CNTLN: variants seen among roughly 807,000 people sequenced by gnomAD.
CNTLN encodes centlein, centrosomal protein.
CNTLN carries 212 observed loss-of-function variants against 180.0 expected under a neutral mutation model. The observed-to-expected ratio is 1.18, with a 90% CI of 1.05 to 1.32. CNTLN has a LOEUF of 1.32. CNTLN is among the 40% of genes most tolerant of loss of function. The probability of loss-of-function intolerance (pLI) is 0.00; values close to 1 mark genes in which losing one functional copy is unlikely to be tolerated. For synonymous variants in CNTLN, 722 were observed against 563.1 expected, an observed-to-expected ratio of 1.28 and a Z score of -3.99; for missense variants, 2,095 against 1,610.9, an observed-to-expected ratio of 1.30 and a Z score of -5.14.
rs1308706751 is a variant in CNTLN, at chr9:17,340,912, AAG to A, written c.1733_1734del (p.Glu578AlafsTer13). ...TTACAGACCAACTACAGAGCAGTAA[AAG>A]AGCAATTAAAACAGTGGGAAGAAGG... On this transcript the variant is annotated frameshift_variant, in exon 11 of 26. Coordinates refer to ENST00000380647, the MANE Select transcript of CNTLN (RefSeq NM_017738.4). LOFTEE classifies it high-confidence loss of function. 1 of 1,611,878 alleles carries A rather than the reference AAG, an allele frequency of 6.2e-7. No individual in the cohort carries two copies. Among genetic ancestry groups the A allele is most frequent in the Non-Finnish European group, 8.5e-7 (1 of 1,178,902 alleles).
intron 20 of CNTLN, 142 bp downstream of exon 20, chr9:17,463,155 G>A: frequency 1.9e-6 from 1 of 527,636 alleles, no homozygotes. Flanking sequence ...GAAAGTTTAA[G>A]GAATACTATG....
At chr9:17,251,736 G>A (rs1318788220) in intron 5 of CNTLN, among the ~76,000 whole-genome samples, 3 of 151,774 alleles carry the variant, frequency 2.0e-5, no homozygotes, top group Admixed American at 6.6e-5. Context: ...AGTTGTATGT[G>A]TTGGTATCAT....
intron 8 of CNTLN, among the ~76,000 whole-genome samples, chr9:17,322,940 G>A (rs759853198): frequency 3.3e-5 from 5 of 152,106 alleles, no homozygotes; most frequent in Non-Finnish European, 7.4e-5. Flanking sequence ...TGTAAAAAAT[G>A]TATGCCTTGA....
chr9:17,193,688 G>C (rs772884761), intron 2 of CNTLN, among the ~76,000 whole-genome samples: 1 of 152,156 alleles, frequency 6.6e-6, no homozygotes, highest in Non-Finnish European at 1.5e-5. Flanking sequence ...GGTGCAAGCT[G>C]TTGGTAGATT....
intron 13 of CNTLN, among the ~76,000 whole-genome samples, chr9:17,381,642 A>G (rs1348432904): frequency 6.6e-6 from 1 of 152,212 alleles, no homozygotes; most frequent in Non-Finnish European, 1.5e-5. Context: ...CAATTTCTGT[A>G]TCCCATCAGC....
At chr9:17,255,408 A>G (rs909213220) in intron 5 of CNTLN, among the ~76,000 whole-genome samples, 21 of 151,606 alleles carry the variant, frequency 1.4e-4, no homozygotes, top group Admixed American at 1.3e-3. Context: ...AGGGTGTTCA[A>G]TCTTGTCAAA....
chr9:17,457,697 A>G lies in CNTLN; in HGVS notation c.3288A>G (p.Gln1096=). Residue 1096 remains glutamine, a synonymous_variant, in exon 19 of 26, where the codon CAA becomes CAG. Transcript: ENST00000380647. ...GGAGCATGGATTTGGAAATGAAGCA[A>G]TTGCAGTATAAACTAAAGGTGATTA... The part of the protein sequence containing the change: ...PSRSMDLEMK[Q]LQYKLKNATN... 5.4e-6 allele frequency: 8 copies of G among 1,491,930 alleles called. No homozygotes were observed. Among genetic ancestry groups the G allele is most frequent in the Non-Finnish European group, 7.2e-6 (8 of 1,117,844 alleles). 92.4% of individuals were successfully genotyped at this position (1,491,930 alleles called of 1,614,324 possible). A position where few individuals can be genotyped will look rare whatever the true frequency, so the allele number is the denominator to read the frequency against.
chr9:17,515,606 A>G, the CNTLN span, among the ~76,000 whole-genome samples: 1 of 152,112 alleles, frequency 6.6e-6, no homozygotes, highest in Non-Finnish European at 1.5e-5. Context: ...TTGTTAGGCC[A>G]AAAAATCTTA....
intron 8 of CNTLN, among the ~76,000 whole-genome samples, chr9:17,319,592 G>C (rs1303313041): frequency 6.6e-6 from 1 of 152,108 alleles, no homozygotes; most frequent in Non-Finnish European, 1.5e-5. Context: ...ACATAGACTT[G>C]ATCACTTAAT....
At chr9:17,463,707 GTTTA>G (rs999168146) in intron 20 of CNTLN, among the ~76,000 whole-genome samples, 2 of 151,548 alleles carry the variant, frequency 1.3e-5, no homozygotes, top group African/African-American at 4.8e-5. Flanking sequence ...ATATTTTGAA[GTTTA>G]TTTATCAATT....
Position 17,273,483 on chromosome 9 carries a change from C to T in CNTLN, c.850-250C>T, listed in dbSNP as rs149076602. Among the ~76,000 whole-genome samples the T allele has an allele frequency of 3.3e-5, 5 of 152,148 alleles. No homozygotes were observed. In the East Asian group the frequency reaches 9.6e-4, roughly 29 times the overall value. ...TAATTTAATAACTACATTTTTTATA[C>T]ATATCTTCTAGTTTATTTGCTTCAG... On this transcript the variant is annotated intron_variant, in intron 5 of 25. Transcript: ENST00000380647.
At chr9:17,521,715 C>G in the CNTLN span, among the ~76,000 whole-genome samples, 1 of 152,102 alleles carries the variant, frequency 6.6e-6, no homozygotes, top group Non-Finnish European at 1.5e-5. Context: ...GGAAACTGTT[C>G]CTTTCAAGTG....
chr9:17,228,802 T>A (rs1824636872), intron 3 of CNTLN, among the ~76,000 whole-genome samples: 3 of 152,120 alleles, frequency 2.0e-5, no homozygotes. Flanking sequence ...TGATAGTAAT[T>A]CTGAAAATGA....
intron 2 of CNTLN, among the ~76,000 whole-genome samples, chr9:17,160,206 C>T (rs75571120): frequency 0.043 from 6,517 of 152,034 alleles, 186 homozygotes; most frequent in East Asian, 0.17. Context: ...AAGTAGTTTT[C>T]ACTTGCATTT....
intron 2 of CNTLN, among the ~76,000 whole-genome samples, chr9:17,180,997 G>T (rs762684977): frequency 2.6e-4 from 40 of 152,018 alleles, no homozygotes; most frequent in Admixed American, 9.8e-4. Flanking sequence ...TTTAGATTTT[G>T]GAAGTTTTCG....
intron 8 of CNTLN, among the ~76,000 whole-genome samples, chr9:17,329,208 A>G (rs1242448639): frequency 6.6e-6 from 1 of 152,108 alleles, no homozygotes; most frequent in Non-Finnish European, 1.5e-5. Flanking sequence ...GGATGTTAAT[A>G]TAACATTTAT....
intron 18 of CNTLN, among the ~76,000 whole-genome samples, chr9:17,442,517 G>T (rs1277626388): frequency 6.6e-6 from 1 of 152,176 alleles, no homozygotes; most frequent in Non-Finnish European, 1.5e-5. Flanking sequence ...TCCTGCCTCA[G>T]CCTCCTGAGT....
chr9:17,139,152 A>G (rs1210142989), intron 1 of CNTLN, among the ~76,000 whole-genome samples: 1 of 152,022 alleles, frequency 6.6e-6, no homozygotes, highest in African/African-American at 2.4e-5. Context: ...CAGTGGTGCA[A>G]TATGGGCTCA....
chr9:17,275,704 T>C (rs1419996208), intron 6 of CNTLN, among the ~76,000 whole-genome samples: 1 of 152,118 alleles, frequency 6.6e-6, no homozygotes, highest in African/African-American at 2.4e-5. Context: ...AGTTTGTATA[T>C]TTAAATTTAG....
Sources: allele counts gnomAD v4.1 joint callset (sites outside exome capture counted in the v4.1 genomes callset), GRCh38; gene constraint gnomAD v4.1.1; transcripts MANE v1.5; gene names NCBI Gene and HGNC (gene_info 2026-07-23, HGNC 2026-07-21).